FBXW7: variants seen among roughly 807,000 people sequenced by gnomAD.
FBXW7 encodes F-box and WD repeat domain containing 7, also known as F-box/WD repeat-containing protein 7.
In FBXW7, 11 loss-of-function variants were observed where a neutral mutation model predicts 86.3. The observed-to-expected ratio is 0.13, with a 90% CI of 0.08 to 0.21. The LOEUF is 0.21. Among genes scored for constraint, FBXW7 ranks in the 10% least tolerant of loss-of-function variants. The pLI is 1.00. For synonymous variants in FBXW7, 313 were observed against 297.9 expected (o/e 1.05, Z -0.52); for missense variants, 488 against 847.4 (o/e 0.58, Z 5.27).
chr4:152,494,084 A>G (rs1746092886), intron 2 of FBXW7, among the ~76,000 whole-genome samples: 1 of 152,206 alleles, frequency 6.6e-6, no homozygotes, highest in African/African-American at 2.4e-5. Context: ...AATAGCAGGA[A>G]TTAAGCGTGT....
chr4:152,492,864 G>A (rs1017721366), intron 2 of FBXW7, among the ~76,000 whole-genome samples: 3 of 151,848 alleles, frequency 2.0e-5, no homozygotes, highest in African/African-American at 4.8e-5. Context: ...ATTTGAACTC[G>A]TTTTTTTAAG....
intron 4 of FBXW7, among the ~76,000 whole-genome samples, chr4:152,392,025 T>C (rs1018784205): frequency 1.3e-5 from 2 of 152,170 alleles, no homozygotes; most frequent in African/African-American, 2.4e-5. Context: ...ATTTACATAT[T>C]AAATATGGAA....
rs900021116 is a variant in FBXW7 at position 152,346,767 on chromosome 4, A to T, written c.726+163T>A. ...GACATTTCATATAAAGAGAATCAAC[A>T]TGTGGCCTTTTGTGTCTGGCTTCTT... On this transcript the variant is annotated intron_variant, in intron 6 of 13. Transcript: ENST00000281708. 10 of 858,250 alleles carry T rather than the reference A, an allele frequency of 1.2e-5. No homozygotes were observed. The African/African-American group carries it at 1.7e-4, about 15-fold the overall frequency. 53.2% of individuals were successfully genotyped at this position (858,250 alleles called of 1,614,324 possible). A position where few individuals can be genotyped will look rare whatever the true frequency, so the allele number is the denominator to read the frequency against.
chr4:152,370,256 C>G (rs577909952), intron 4 of FBXW7, among the ~76,000 whole-genome samples: 4 of 151,996 alleles, frequency 2.6e-5, no homozygotes, highest in South Asian at 2.1e-4. Context: ...TTTTCATGTT[C>G]AAGACTAGCA....
At chr4:152,400,118 A>G (rs563377506) in intron 4 of FBXW7, among the ~76,000 whole-genome samples, 1 of 152,364 alleles carries the variant, frequency 6.6e-6, no homozygotes, top group South Asian at 2.1e-4. Context: ...GATGAATGGA[A>G]CAGAATAGAG....
intron 2 of FBXW7, among the ~76,000 whole-genome samples, chr4:152,511,838 G>GT (rs1748006340): frequency 6.6e-6 from 1 of 152,072 alleles, no homozygotes; most frequent in South Asian, 2.1e-4. Context: ...GTTTCTAAGT[G>GT]TATGTGTGTG....
chr4:152,433,224 T>C (rs1740072117), intron 2 of FBXW7, among the ~76,000 whole-genome samples: 1 of 152,218 alleles, frequency 6.6e-6, no homozygotes, highest in South Asian at 2.1e-4. Flanking sequence ...ACATTTCTCC[T>C]GGGTAAATAA....
intron 2 of FBXW7, among the ~76,000 whole-genome samples, chr4:152,515,141 C>T (rs775051489): frequency 2.0e-4 from 30 of 152,026 alleles, no homozygotes; most frequent in Non-Finnish European, 3.7e-4. Context: ...TCACTTTACC[C>T]CCACACTGAA....
At position 152,324,477 on chromosome 4, in the gene FBXW7, G is replaced by GA. The variant is rs1381686066; in HGVS notation, c.1645-84dup. 39 of 1,134,890 alleles carry GA rather than the reference G, an allele frequency of 3.4e-5. No individual in the cohort carries two copies. In the East Asian group the frequency reaches 9.0e-4, roughly 26 times the overall value. 70.3% of individuals were successfully genotyped at this position (1,134,890 alleles called of 1,614,324 possible). The stretch of plus-strand genomic sequence containing the variant: ...GACCTTAATCCTAGTAGGAAAGGGG[G>GA]AAGAGGATGGGAAACAGGTAATGCC... On this transcript the variant is annotated intron_variant, in intron 12 of 13. Transcript: ENST00000281708.
intron 2 of FBXW7, among the ~76,000 whole-genome samples, chr4:152,526,335 T>G (rs1429712755): frequency 3.9e-5 from 6 of 152,196 alleles, no homozygotes; most frequent in African/African-American, 1.4e-4. Context: ...AAAACTGTTC[T>G]CAACATAGAA....
intron 4 of FBXW7, among the ~76,000 whole-genome samples, chr4:152,397,695 CAAAAAAAAAAAAA>C (rs397995836): frequency 1.2e-4 from 7 of 60,406 alleles, no homozygotes; most frequent in Admixed American, 1.9e-4. Context: ...CCTAAGAAGC[CAAAAAAAAAAAAA>C]AAAAAAAAAA....
rs115428130 is a variant in FBXW7 at position 152,330,613 on chromosome 4, T to G, written c.1122+119A>C. The G allele has an allele frequency of 8.4e-3, 6,858 of 816,128 alleles. 44 individuals carry two copies. Among genetic ancestry groups the G allele is most frequent in the Middle Eastern group, 0.017 (68 of 3,988 alleles). The allele number at this position is 816,128 out of a possible 1,614,324, so 50.6% of individuals were successfully genotyped here. A position where few individuals can be genotyped will look rare whatever the true frequency, so the allele number is the denominator to read the frequency against. On this transcript the variant is annotated intron_variant, in intron 9 of 13. Coordinates refer to ENST00000281708, the MANE Select transcript of FBXW7 (RefSeq NM_001349798.2). Reference sequence around the variant, plus strand: ...GTTAATACTTTCAGTTATTTTAAAATATACGGTTTTCTTTCTACAGAAGAG... The same window carrying G: ...GTTAATACTTTCAGTTATTTTAAAAGATACGGTTTTCTTTCTACAGAAGAG...
chr4:152,531,146 T>C (rs1298253937), intron 2 of FBXW7, among the ~76,000 whole-genome samples: 1 of 152,198 alleles, frequency 6.6e-6, no homozygotes, highest in African/African-American at 2.4e-5. Flanking sequence ...TACATGAAGT[T>C]ACCACTCTTC....
intron 2 of FBXW7, among the ~76,000 whole-genome samples, chr4:152,473,102 G>A (rs1309973215): frequency 6.6e-6 from 1 of 152,104 alleles, no homozygotes; most frequent in African/African-American, 2.4e-5. Context: ...TACTTAGCTG[G>A]GTGTGGTGAT....
At chr4:152,437,370 C>T (rs1740476848) in intron 2 of FBXW7, among the ~76,000 whole-genome samples, 2 of 150,912 alleles carry the variant, frequency 1.3e-5, no homozygotes, top group East Asian at 3.9e-4. Flanking sequence ...CAGAGCCAGA[C>T]TCCATCTCAA....
At position 152,337,852 on chromosome 4, in the gene FBXW7, C is replaced by T. The variant is rs764074483; in HGVS notation, c.811G>A (p.Val271Met). The T allele has an allele frequency of 1.2e-6, 2 of 1,612,460 alleles. No individual in the cohort carries two copies. Among genetic ancestry groups the T allele is most frequent in the Non-Finnish European group, 1.7e-6 (2 of 1,179,176 alleles). The change falls in exon 7 of 14, where the codon GTG becomes ATG. Residue 271 changes from valine to methionine, a missense_variant. By Grantham distance (21) the Val-to-Met change is conservative (BLOSUM62 1). Around this residue, in one of 4 missense-constraint regions of FBXW7, gnomAD observed 59 missense variants for 137.9 expected, o/e 0.43. Coordinates refer to ENST00000281708, the MANE Select transcript of FBXW7 (RefSeq NM_001349798.2). ...TCTCGTTGAAACTGGGGTTCTATCA[C>T]TTGCATCATATGTTTTACTTGTGTT... is the stretch of plus-strand genomic sequence containing the variant. ...EPTQVKHMMQ[V>M]IEPQFQRDFI...
chr4:152,406,439 T>G (rs1357120671), intron 4 of FBXW7, among the ~76,000 whole-genome samples: 1 of 152,132 alleles, frequency 6.6e-6, no homozygotes, highest in Non-Finnish European at 1.5e-5. Flanking sequence ...TAATAGTAAC[T>G]GTCATTACCT....
intron 4 of FBXW7, among the ~76,000 whole-genome samples, chr4:152,381,840 A>G (rs991916123): frequency 5.3e-5 from 8 of 152,152 alleles, no homozygotes; most frequent in Non-Finnish European, 1.0e-4. Flanking sequence ...GTATAAGGAG[A>G]ATACCATCAA....
At chr4:152,385,569 G>A (rs1735455158) in intron 4 of FBXW7, among the ~76,000 whole-genome samples, 1 of 151,934 alleles carries the variant, frequency 6.6e-6, no homozygotes, top group African/African-American at 2.4e-5. Flanking sequence ...GTTTCTAAGA[G>A]ACCAAAAGTT....
Sources: gnomAD v4.1 joint callset for allele counts (sites outside exome capture counted in the v4.1 genomes callset) on GRCh38, gnomAD v4.1.1 for gene constraint, gnomAD v4.1.1 regional missense constraint, MANE v1.5 for transcripts, NCBI Gene and HGNC (gene_info 2026-07-23, HGNC 2026-07-21) for gene names.